Variants in GRIN3A observed in about 807,000 individuals in gnomAD.
The protein encoded by GRIN3A is glutamate ionotropic receptor NMDA type subunit 3A, also known as glutamate receptor ionotropic, NMDA 3A.
Under a neutral mutation model 92.4 loss-of-function variants are expected in GRIN3A, and 47 were observed. The ratio of observed to expected loss-of-function variants is 0.51; its 90% CI spans 0.40 to 0.65. The LOEUF (loss-of-function observed/expected upper bound fraction) is 0.65, where lower values mean the gene tolerates loss of function less well. Among genes scored for constraint, GRIN3A ranks in the 30% least tolerant of loss-of-function variants. The pLI is 0.00. For missense variants in GRIN3A, 1,324 were observed against 1,393.1 expected, an observed-to-expected ratio of 0.95 and a Z score of 0.79; for synonymous variants, 527 against 540.6, an observed-to-expected ratio of 0.97 and a Z score of 0.35.
intron 6 of GRIN3A, among the ~76,000 whole-genome samples, chr9:101,589,173 A>G (rs1206332460): frequency 6.6e-6 from 1 of 152,134 alleles, no homozygotes; most frequent in African/African-American, 2.4e-5. Context: ...GGGTTTCAGC[A>G]TGTTGACCAG....
rs1038009206 is a variant in GRIN3A, at chr9:101,670,729, G to T, written c.1683C>A (p.Leu561=). 5.0e-6 allele frequency: 8 copies of T among 1,613,926 alleles called. No homozygotes were observed. The African/African-American group carries it at 6.7e-5, about 13-fold the overall frequency. ...TGGGCACTGTATCATTACTGCTATGGAGGCTGCTAAAAAGGCTGTCCAATG... is the reference window on the plus strand; with the variant it reads ...TGGGCACTGTATCATTACTGCTATGTAGGCTGCTAAAAAGGCTGTCCAATG... The part of the protein sequence containing the change: ...SSTLDSLFSS[L]HSSNDTVPIK... Residue 561 remains leucine (L), a synonymous_variant, in exon 3 of 9, where the codon CTC becomes CTA. Coordinates refer to ENST00000361820, the MANE Select transcript of GRIN3A (RefSeq NM_133445.3).
chr9:101,714,692 G>T (rs1465301610), intron 1 of GRIN3A, among the ~76,000 whole-genome samples: 1 of 152,038 alleles, frequency 6.6e-6, no homozygotes, highest in Non-Finnish European at 1.5e-5. Context: ...AAACAGAAGT[G>T]CTAGTGAAAA....
chr9:101,646,667 A>T (rs527287976), intron 3 of GRIN3A, among the ~76,000 whole-genome samples: 1 of 151,816 alleles, frequency 6.6e-6, no homozygotes, highest in African/African-American at 2.4e-5. Flanking sequence ...ATATCTTTCC[A>T]TTTTTTTCTG....
At chr9:101,657,912 T>C (rs540534288) in intron 3 of GRIN3A, among the ~76,000 whole-genome samples, 37 of 152,094 alleles carry the variant, frequency 2.4e-4, no homozygotes, top group African/African-American at 7.9e-4. Flanking sequence ...CATCCCAGAC[T>C]GAATCCTGTA....
intron 1 of GRIN3A, among the ~76,000 whole-genome samples, chr9:101,725,075 A>G (rs1432600392): frequency 6.6e-6 from 1 of 152,138 alleles, no homozygotes; most frequent in African/African-American, 2.4e-5. Context: ...AGTGTGGCAC[A>G]CCCCACTCCA....
At chr9:101,609,110 G>A (rs1327058700) in intron 6 of GRIN3A, among the ~76,000 whole-genome samples, 1 of 152,182 alleles carries the variant, frequency 6.6e-6, no homozygotes, top group East Asian at 1.9e-4. Context: ...GTGTTTCAAG[G>A]GAGGCTGTGC....
chr9:101,728,003 G>T (rs988009506), intron 1 of GRIN3A, among the ~76,000 whole-genome samples: 3 of 151,810 alleles, frequency 2.0e-5, no homozygotes, highest in African/African-American at 7.3e-5. Context: ...ACATCTCTCT[G>T]TGTGTGGATC....
chr9:101,636,179 A>G (rs1828782601), intron 3 of GRIN3A, among the ~76,000 whole-genome samples: 1 of 152,106 alleles, frequency 6.6e-6, no homozygotes, highest in African/African-American at 2.4e-5. Flanking sequence ...CACCGCACTC[A>G]CTTTAGCTGA....
chr9:101,643,093 T>C (rs1828887337), intron 3 of GRIN3A, among the ~76,000 whole-genome samples: 1 of 152,176 alleles, frequency 6.6e-6, no homozygotes, highest in African/African-American at 2.4e-5. Flanking sequence ...AAAATTGCCT[T>C]TCATGAAACT....
chr9:101,614,899 A>G (rs12005176), intron 5 of GRIN3A, among the ~76,000 whole-genome samples: 13,069 of 151,966 alleles, frequency 0.086, 719 homozygotes, highest in African/African-American at 0.16. Flanking sequence ...GATTACAGGT[A>G]TGAGCCACGT....
intron 6 of GRIN3A, among the ~76,000 whole-genome samples, chr9:101,606,636 T>C (rs1053659751): frequency 5.9e-5 from 9 of 151,898 alleles, no homozygotes; most frequent in Non-Finnish European, 8.8e-5. Flanking sequence ...ATCATTGGAG[T>C]GTTCTATCTG....
At position 101,613,507 on chromosome 9, in the gene GRIN3A, G is replaced by A. The variant is rs754924479; in HGVS notation, c.2635C>T (p.Pro879Ser). The A allele has an allele frequency of 6.2e-7, 1 of 1,614,206 alleles. No individual in the cohort carries two copies. The highest frequency in any genetic ancestry group is 2.2e-5 in the East Asian group (1 of 44,886). Residue 879 changes from proline (P) to serine (S), a missense_variant, in exon 6 of 9, where the codon CCC becomes TCC. By Grantham distance (74) the Pro-to-Ser change is moderately conservative (BLOSUM62 -1). Coordinates refer to ENST00000361820, the MANE Select transcript of GRIN3A (RefSeq NM_133445.3). Reference protein sequence around the residue: ...AIEGYGIGLPPNSPLTANISE... With the variant: ...AIEGYGIGLPSNSPLTANISE... ...ATGTTGGCGGTCAATGGAGAGTTGG[G>A]TGGGAGGCCAATGCCGTATCCTAGA...
At chr9:101,608,457 A>G (rs991775931) in intron 6 of GRIN3A, among the ~76,000 whole-genome samples, 1 of 152,192 alleles carries the variant, frequency 6.6e-6, no homozygotes, top group Non-Finnish European at 1.5e-5. Context: ...TAGATGCATC[A>G]TCTCAACAGT....
At position 101,688,887 on chromosome 9, in the gene GRIN3A, A is replaced by G. The variant is rs191800573; in HGVS notation, c.700-1687T>C. 7.5e-4 allele frequency among the ~76,000 whole-genome samples: 114 copies of G among 152,306 alleles called. 2 individuals are homozygous for G. The East Asian group carries it at 0.012, about 16-fold the overall frequency. On this transcript the variant is annotated intron_variant, in intron 1 of 8. Coordinates refer to ENST00000361820, the MANE Select transcript of GRIN3A (RefSeq NM_133445.3). The stretch of plus-strand genomic sequence containing the variant: ...TGTCTCAAAAATAGAATAGAATAAA[A>G]TAAAAAGGATTTAGTGACAAGATCA...
At chr9:101,625,293 A>C (rs995458011) in intron 4 of GRIN3A, among the ~76,000 whole-genome samples, 2 of 152,222 alleles carry the variant, frequency 1.3e-5, no homozygotes, top group Non-Finnish European at 2.9e-5. Flanking sequence ...TTCTGGGCTC[A>C]GTCCTTCCTC....
At chr9:101,626,806 C>G (rs1463291650) in intron 4 of GRIN3A, among the ~76,000 whole-genome samples, 1 of 152,202 alleles carries the variant, frequency 6.6e-6, no homozygotes, top group Non-Finnish European at 1.5e-5. Flanking sequence ...ATTCCAGAGA[C>G]CTGGTCCTAG....
At chr9:101,613,952 T>G (rs985760304) in intron 5 of GRIN3A, among the ~76,000 whole-genome samples, 1 of 152,222 alleles carries the variant, frequency 6.6e-6, no homozygotes, top group Non-Finnish European at 1.5e-5. Flanking sequence ...TGTTAATGCA[T>G]GACCCTCTCT....
chr9:101,640,060 G>A (rs1828835378), intron 3 of GRIN3A, among the ~76,000 whole-genome samples: 1 of 152,138 alleles, frequency 6.6e-6, no homozygotes, highest in Non-Finnish European at 1.5e-5. Flanking sequence ...CAAAGATTCA[G>A]GCATATATTC....
At chr9:101,586,430 AC>A (rs1450931741) in intron 6 of GRIN3A, among the ~76,000 whole-genome samples, 4 of 151,778 alleles carry the variant, frequency 2.6e-5, no homozygotes. Context: ...AATTTCCCCC[AC>A]CCCCGATCCC....
Sources: allele counts gnomAD v4.1 joint callset (sites outside exome capture counted in the v4.1 genomes callset), GRCh38; gene constraint gnomAD v4.1.1; transcripts MANE v1.5; gene names NCBI Gene and HGNC (gene_info 2026-07-23, HGNC 2026-07-21).